DCLK3: variants seen among roughly 807,000 people sequenced by gnomAD.
DCLK3 encodes doublecortin like kinase 3, also known as serine/threonine-protein kinase DCLK3.
Under a neutral mutation model 46.4 loss-of-function variants are expected in DCLK3, and 30 were observed. The observed-to-expected ratio is 0.65, with a 90% confidence interval of 0.48 to 0.88. DCLK3 has a LOEUF of 0.88. DCLK3 is among the 40% of genes least tolerant of loss of function. The probability of loss-of-function intolerance (pLI) is 0.00; values close to 1 mark genes in which losing one functional copy is unlikely to be tolerated. For missense variants in DCLK3, 846 were observed against 907.1 expected (o/e 0.93, Z 0.87); for synonymous variants, 401 against 339.2 (o/e 1.18, Z -2.00).
chr3:36,763,895 C>A (rs1559396561), intron 1 of DCLK3, among the ~76,000 whole-genome samples: 1 of 152,210 alleles, frequency 6.6e-6, no homozygotes, highest in Non-Finnish European at 1.5e-5. Flanking sequence ...CCAGGAAGGG[C>A]CCCCCTGCTG....
chr3:36,749,515 G>A (rs936720963), intron 1 of DCLK3, among the ~76,000 whole-genome samples: 24 of 152,206 alleles, frequency 1.6e-4, no homozygotes, highest in African/African-American at 5.1e-4. Flanking sequence ...TAGAGATGAA[G>A]CAGATCGATC....
chr3:36,739,291 T>C (rs563926351), intron 1 of DCLK3, among the ~76,000 whole-genome samples: 3 of 152,314 alleles, frequency 2.0e-5, no homozygotes, highest in Admixed American at 6.5e-5. Context: ...AGAGTAAGCA[T>C]TGGGCTTGCA....
intron 2 of DCLK3, among the ~76,000 whole-genome samples, chr3:36,731,996 T>C (rs1701205309): frequency 6.6e-6 from 1 of 152,122 alleles, no homozygotes; most frequent in Admixed American, 6.5e-5. Flanking sequence ...TCTTAGACCC[T>C]CAAATGGCTC....
chr3:36,745,841 A>C (rs552413742), intron 1 of DCLK3, among the ~76,000 whole-genome samples: 365 of 152,368 alleles, frequency 2.4e-3, no homozygotes, highest in African/African-American at 8.2e-3. Flanking sequence ...TGATTATGCC[A>C]ACACCCCAAG....
chr3:36,738,449 C>T lies in DCLK3; in HGVS notation c.718G>A (p.Ala240Thr), dbSNP rs755141338. ...KSCSEVAGCK[A>T]AMRHQGKIPE... ...ATCTTCCCCTGGTGCCTCATGGCTG[C>T]CTTGCATCCTGCAACTTCGCTGCAG... Residue 240 changes from alanine (A) to threonine (T), a missense_variant, in exon 2 of 5, where the codon GCA becomes ACA. Transcript: ENST00000636136. The T allele has an allele frequency of 4.1e-6, 6 of 1,477,460 alleles. No homozygotes were observed. The African/African-American group carries it at 5.7e-5, about 14-fold the overall frequency. 91.5% of individuals were successfully genotyped at this position (1,477,460 alleles called of 1,614,324 possible).
At chr3:36,730,533 C>T (rs932849050) in intron 2 of DCLK3, among the ~76,000 whole-genome samples, 1 of 152,138 alleles carries the variant, frequency 6.6e-6, no homozygotes, top group Non-Finnish European at 1.5e-5. Context: ...AATATGTAAT[C>T]TCAGGCAGTG....
intron 1 of DCLK3, among the ~76,000 whole-genome samples, chr3:36,758,730 T>C (rs1042210983): frequency 6.6e-6 from 1 of 152,240 alleles, no homozygotes; most frequent in Non-Finnish European, 1.5e-5. Flanking sequence ...ACTGAGACAG[T>C]TGGCATCAAG....
chr3:36,728,567 A>G (rs1461325882), intron 2 of DCLK3, among the ~76,000 whole-genome samples: 1 of 152,004 alleles, frequency 6.6e-6, no homozygotes, highest in African/African-American at 2.4e-5. Flanking sequence ...TCCTCCTGGG[A>G]CATCAGAACT....
intron 1 of DCLK3, among the ~76,000 whole-genome samples, chr3:36,752,102 T>C (rs1701447442): frequency 6.6e-6 from 1 of 152,190 alleles, no homozygotes; most frequent in South Asian, 2.1e-4. Flanking sequence ...TGCCCAAGTC[T>C]CCCAAGAGTT....
intron 1 of DCLK3, among the ~76,000 whole-genome samples, chr3:36,762,561 A>T (rs1183655080): frequency 6.6e-6 from 1 of 152,210 alleles, no homozygotes; most frequent in Non-Finnish European, 1.5e-5. Context: ...AGGGCAAAGA[A>T]GCTGGACTAT....
Position 36,741,029 on chromosome 3 carries a change from A to T in DCLK3, c.83-1945T>A, listed in dbSNP as rs555517549. 3.8e-4 allele frequency among the ~76,000 whole-genome samples: 58 copies of T among 152,352 alleles called. 1 individual carries two copies. Among genetic ancestry groups the T allele is most frequent in the Admixed American group, 1.2e-3 (18 of 15,306 alleles). On this transcript the variant is annotated intron_variant, in intron 1 of 4. Coordinates refer to ENST00000636136, the MANE Select transcript of DCLK3 (RefSeq NM_001394672.2). ...GTGGCTGATACTGATCTTCCCACAC[A>T]CCACAAATTTATGAGCTTAACAATC...
At chr3:36,717,293 G>T (rs953500135) in intron 4 of DCLK3, among the ~76,000 whole-genome samples, 10 of 152,120 alleles carry the variant, frequency 6.6e-5, no homozygotes, top group Admixed American at 2.6e-4. Context: ...TAGAGAAGGG[G>T]TATCGCCAGT....
At chr3:36,762,271 T>C (rs1209709944) in intron 1 of DCLK3, among the ~76,000 whole-genome samples, 1 of 152,198 alleles carries the variant, frequency 6.6e-6, no homozygotes, top group East Asian at 1.9e-4. Context: ...GTTAGTCATG[T>C]TTGGATAACA....
chr3:36,729,862 T>A (rs1025161333), intron 2 of DCLK3: 5 of 152,222 alleles, frequency 3.3e-5, no homozygotes, highest in African/African-American at 1.2e-4. Flanking sequence ...AATCCGTTTA[T>A]ATTTCAACGA....
chr3:36,745,141 G>A (rs906244443), intron 1 of DCLK3, among the ~76,000 whole-genome samples: 1 of 152,094 alleles, frequency 6.6e-6, no homozygotes, highest in African/African-American at 2.4e-5. Context: ...ACTTTTCTCT[G>A]TTATAAGATT....
chr3:36,730,901 A>G (rs985596362), intron 2 of DCLK3, among the ~76,000 whole-genome samples: 8 of 152,060 alleles, frequency 5.3e-5, no homozygotes, highest in African/African-American at 1.9e-4. Flanking sequence ...GCAAATGTGA[A>G]GGCCGAGGGG....
At chr3:36,717,874 C>G (rs1441512279) in intron 4 of DCLK3, 136 bp downstream of exon 4, 1 of 1,163,892 alleles carries the variant, frequency 8.6e-7, no homozygotes, top group Non-Finnish European at 1.2e-6. Context: ...CTACATGAAG[C>G]TACTGAGGAA....
intron 3 of DCLK3, among the ~76,000 whole-genome samples, chr3:36,720,463 G>A (rs1701040404): frequency 6.7e-6 from 1 of 150,102 alleles, no homozygotes; most frequent in South Asian, 2.1e-4. Flanking sequence ...TCTTCTCCAT[G>A]TCTCTAACAC....
intron 2 of DCLK3, among the ~76,000 whole-genome samples, chr3:36,730,448 T>A (rs1046133498): frequency 1.3e-5 from 2 of 152,214 alleles, no homozygotes; most frequent in Admixed American, 1.3e-4. Context: ...ATATTAAGAA[T>A]AAAGTAGTGA....
Sources: gnomAD v4.1 joint callset for allele counts (sites outside exome capture counted in the v4.1 genomes callset) on GRCh38, gnomAD v4.1.1 for gene constraint, MANE v1.5 for transcripts, NCBI Gene and HGNC (gene_info 2026-07-23, HGNC 2026-07-21) for gene names.